CDC25B: variants seen among roughly 807,000 people sequenced by gnomAD.
CDC25B encodes M-phase inducer phosphatase 2.
A neutral mutation model predicts 69.8 loss-of-function variants in CDC25B; 33 were observed. The ratio of observed to expected loss-of-function variants is 0.47; its 90% CI spans 0.36 to 0.63. The LOEUF is 0.63. CDC25B is among the 30% of genes least tolerant of loss of function. The pLI, the probability that CDC25B is intolerant of heterozygous loss-of-function variation, is 0.00. For synonymous variants in CDC25B, 341 were observed against 314.6 expected (o/e 1.08, Z -0.89); for missense variants, 727 against 809.1 (o/e 0.90, Z 1.23).
Position 3,804,684 on chromosome 20 carries a change from G to A in CDC25B, c.1602+4G>A. On this transcript the variant is annotated splice_donor_region_variant and intron_variant, in intron 15 of 15. Transcript: ENST00000245960. ...GGAGTTCTTCCCTCAGCACCCGGTA[G>A]CGTGGGTGGGGAAGGCCACAGTCTC... 1 of 1,609,296 alleles carries A rather than the reference G, an allele frequency of 6.2e-7. No homozygotes were observed. Among genetic ancestry groups the A allele is most frequent in the Non-Finnish European group, 8.5e-7 (1 of 1,175,732 alleles).
upstream of CDC25B, chr20:3,795,631 T>C (rs1240125470): frequency 4.8e-6 from 4 of 836,958 alleles, no homozygotes; most frequent in Non-Finnish European, 5.8e-6. Context: ...TTGGGCCGGT[T>C]GGGGTAACAT....
upstream of CDC25B, chr20:3,795,962 C>T: frequency 2.0e-6 from 2 of 987,900 alleles, no homozygotes; most frequent in Non-Finnish European, 2.4e-6. Flanking sequence ...GAGCCTCTCC[C>T]CATCCCTAGC....
At chr20:3,791,189 C>T (rs1251423508) in intron 1 of CDC25B, among the ~76,000 whole-genome samples, 4 of 152,180 alleles carry the variant, frequency 2.6e-5, no homozygotes, top group African/African-American at 9.7e-5. Flanking sequence ...AACGAACATA[C>T]ATCTGTGTGT....
intron 1 of CDC25B, among the ~76,000 whole-genome samples, chr20:3,789,810 G>A (rs1290788666): frequency 1.3e-5 from 2 of 152,096 alleles, no homozygotes; most frequent in South Asian, 2.1e-4. Context: ...TAACACGGTG[G>A]AACCCCGTCT....
chr20:3,801,552 A>G (rs2146692558), intron 8 of CDC25B, 164 bp downstream of exon 8: 1 of 1,089,218 alleles, frequency 9.2e-7, no homozygotes, highest in Non-Finnish European at 1.3e-6. Flanking sequence ...TGAGAGAAGA[A>G]CAGGTGGCTG....
Position 3,800,953 on chromosome 20 carries a change from C to T in CDC25B, c.583-18C>T, listed in dbSNP as rs766394983. 4.3e-6 allele frequency: 7 copies of T among 1,613,726 alleles called. No individual in the cohort carries two copies. In the Admixed American group the frequency reaches 1.0e-4, roughly 23 times the overall value. On this transcript the variant is annotated intron_variant, in intron 6 of 15. Coordinates refer to ENST00000245960, the MANE Select transcript of CDC25B (RefSeq NM_021873.4). The stretch of plus-strand genomic sequence containing the variant: ...TTCCCTGGCATGTGAGGACCCTCCT[C>T]TCCCATCTTGGCTGCAGGATGGATT...
upstream of CDC25B, chr20:3,795,868 C>T: frequency 1.0e-6 from 1 of 985,168 alleles, no homozygotes; most frequent in South Asian, 4.7e-5. Flanking sequence ...AACTTCACGC[C>T]TCAGCGTCCA....
Position 3,800,452 on chromosome 20 carries a change from C to A in CDC25B, c.423-10C>A. ...TCCCAGCTCTCACCTGTCCCCATTT[C>A]CTCCTGTAGCGAGCAGTTTGCCATC... On this transcript the variant is annotated splice_polypyrimidine_tract_variant and intron_variant, in intron 4 of 15. Coordinates refer to ENST00000245960, the MANE Select transcript of CDC25B (RefSeq NM_021873.4). The A allele has an allele frequency of 6.2e-7, 1 of 1,614,212 alleles. No individual in the cohort carries two copies. Among genetic ancestry groups the A allele is most frequent in the Middle Eastern group, 1.6e-4 (1 of 6,062 alleles).
At chr20:3,795,681 T>C, upstream of CDC25B, 2 of 984,130 alleles carry the variant, frequency 2.0e-6, no homozygotes, top group Non-Finnish European at 2.4e-6. Context: ...CAGTTCCGCT[T>C]GGGGGCCCCA....
chr20:3,796,490 T>A lies in CDC25B; in HGVS notation c.-42T>A. Reference sequence around the variant, plus strand: ...CTGTGCCGGCGTTTGTTGGCTGCCCTGCGCCCGGCCCTCCAGCCAGCCTTC... The same window carrying A: ...CTGTGCCGGCGTTTGTTGGCTGCCCAGCGCCCGGCCCTCCAGCCAGCCTTC... On this transcript the variant is annotated 5_prime_UTR_variant, in exon 1 of 16. Coordinates refer to ENST00000245960, the MANE Select transcript of CDC25B (RefSeq NM_021873.4). 1 of 1,323,260 alleles carries A rather than the reference T, an allele frequency of 7.6e-7. No homozygotes were observed. The highest frequency in any genetic ancestry group is 9.7e-7 in the Non-Finnish European group (1 of 1,026,274). The allele number at this position is 1,323,260 out of a possible 1,614,324, so 82.0% of individuals were successfully genotyped here. A position where few individuals can be genotyped will look rare whatever the true frequency, so the allele number is the denominator to read the frequency against.
At chr20:3,788,513 T>C (rs1437850296) in intron 1 of CDC25B, among the ~76,000 whole-genome samples, 1 of 152,216 alleles carries the variant, frequency 6.6e-6, no homozygotes, top group African/African-American at 2.4e-5. Context: ...ATTTTTTCCT[T>C]ATTGCTTCGG....
rs2089336221 is a variant in CDC25B at position 3,802,918 on chromosome 20, C to A, written c.1203C>A (p.Leu401=). 1.2e-6 allele frequency: 2 copies of A among 1,613,602 alleles called. No homozygotes were observed. The highest frequency in any genetic ancestry group is 1.7e-5 in the Admixed American group (1 of 60,022). Residue 401 remains leucine, a synonymous_variant, in exon 12 of 16, where the codon CTC becomes CTA. Coordinates refer to ENST00000245960, the MANE Select transcript of CDC25B (RefSeq NM_021873.4). The part of the protein sequence containing the change: ...ELIGDYSKAF[L]LQTVDGKHQD... ...CCTTCCGTTCCCTTCAGGCCTTCCTCCTACAGACAGTAGACGGAAAGCACC... is the reference window on the plus strand; with the variant it reads ...CCTTCCGTTCCCTTCAGGCCTTCCTACTACAGACAGTAGACGGAAAGCACC...
intron 2 of CDC25B, among the ~76,000 whole-genome samples, 192 bp downstream of exon 2, chr20:3,797,941 C>A (rs987113686): frequency 6.6e-6 from 1 of 152,198 alleles, no homozygotes; most frequent in East Asian, 1.9e-4. Flanking sequence ...ACACCCAACG[C>A]GGACTGGCTG....
chr20:3,801,550 G>A, intron 8 of CDC25B, 162 bp downstream of exon 8: 2 of 1,083,852 alleles, frequency 1.8e-6, no homozygotes, highest in South Asian at 1.6e-5. Context: ...AATGAGAGAA[G>A]AACAGGTGGC....
chr20:3,804,429 T>A (rs1332156508), intron 14 of CDC25B, 140 bp from the exon 15 acceptor site: 6 of 646,818 alleles, frequency 9.3e-6, no homozygotes, highest in Non-Finnish European at 1.7e-5. Flanking sequence ...CTAAAAGTGT[T>A]CTTGTGGTTA....
At chr20:3,790,175 G>A (rs1469177248) in intron 1 of CDC25B, among the ~76,000 whole-genome samples, 2 of 151,434 alleles carry the variant, frequency 1.3e-5, no homozygotes, top group Non-Finnish European at 2.9e-5. Flanking sequence ...AAAGAAAGAA[G>A]GAAAGAAGGA....
rs761367283 is a variant in CDC25B, at chr20:3,802,051, G to A, written c.1049G>A (p.Arg350Gln). 3 of 1,569,672 alleles carry A rather than the reference G, an allele frequency of 1.9e-6. No homozygotes were observed. The highest frequency in any genetic ancestry group is 1.7e-6 in the Non-Finnish European group (2 of 1,157,634). The part of the protein sequence containing the change: ...QDRDTPVQNK[R>Q]RRSVTPPEEQ... ...AGGGACACGCCCGTGCAGAATAAGCGGAGGCGGAGCGTGACCCCTCCTGAG... is the reference window on the plus strand; with the variant it reads ...AGGGACACGCCCGTGCAGAATAAGCAGAGGCGGAGCGTGACCCCTCCTGAG... The change falls in exon 10 of 16, where the codon CGG (arginine) becomes CAG (glutamine). Residue 350 changes from arginine (R) to glutamine (Q), a missense_variant. Coordinates refer to ENST00000245960, the MANE Select transcript of CDC25B (RefSeq NM_021873.4).
rs151315259 is a variant in CDC25B at position 3,801,312 on chromosome 20, G to A, written c.764G>A (p.Arg255His). 5.0e-6 allele frequency: 8 copies of A among 1,614,032 alleles called. No individual in the cohort carries two copies. Among genetic ancestry groups the A allele is most frequent in the South Asian group, 3.3e-5 (3 of 91,082 alleles). ...VEELSPLALGRFSLTPAEGDT... is the reference protein window; with the variant it reads ...VEELSPLALGHFSLTPAEGDT... ...GAGCTCAGCCCCCTGGCCCTAGGTC[G>A]CTTCTCTCTGACCCCTGCAGAGGGG... Residue 255 changes from arginine to histidine, a missense_variant, in exon 8 of 16, where the codon CGC (arginine) becomes CAC (histidine). Arg to His is a conservative substitution (Grantham distance 29). Around this residue, in one of 2 missense-constraint regions of CDC25B, gnomAD observed 359 missense variants for 463.4 expected, o/e 0.77. Coordinates refer to ENST00000245960, the MANE Select transcript of CDC25B (RefSeq NM_021873.4).
At chr20:3,800,686 C>G (rs111526979) in intron 5 of CDC25B, 57 bp from the exon 6 acceptor site, 41 of 1,599,520 alleles carry the variant, frequency 2.6e-5, no homozygotes, top group Middle Eastern at 2.0e-4. Flanking sequence ...GGCCTGGGCT[C>G]GTGCCGGAGG....
Sources: allele counts gnomAD v4.1 joint callset (sites outside exome capture counted in the v4.1 genomes callset), GRCh38; gene constraint gnomAD v4.1.1; regional missense constraint gnomAD v4.1.1; transcripts MANE v1.5; gene names NCBI Gene and HGNC (gene_info 2026-07-23, HGNC 2026-07-21).